Variants in LTBP2 observed in about 807,000 individuals in gnomAD.
LTBP2 encodes latent-transforming growth factor beta-binding protein 2.
In LTBP2, 103 loss-of-function variants were observed where a neutral mutation model predicts 210.6. That is an observed-to-expected ratio of 0.49 (90% CI 0.42 to 0.58). The LOEUF is 0.58. Ranked by LOEUF, LTBP2 falls within the 20% of genes least tolerant of loss-of-function variation. The probability of loss-of-function intolerance (pLI) is 0.00; values close to 1 mark genes in which losing one functional copy is unlikely to be tolerated. For synonymous variants in LTBP2, 1,007 were observed against 1,015.0 expected (o/e 0.99, Z 0.15); for missense variants, 2,313 against 2,494.5 (o/e 0.93, Z 1.55).
intron 4 of LTBP2, among the ~76,000 whole-genome samples, chr14:74,555,113 C>T (rs1159510773): frequency 6.8e-6 from 1 of 147,670 alleles, no homozygotes; most frequent in Non-Finnish European, 1.5e-5. Flanking sequence ...GAAGCAGAGG[C>T]GCAGCTGTAG....
At chr14:74,584,598 G>A (rs2088178494) in intron 3 of LTBP2, among the ~76,000 whole-genome samples, 1 of 152,116 alleles carries the variant, frequency 6.6e-6, no homozygotes, top group Non-Finnish European at 1.5e-5. Context: ...TTATCCACCT[G>A]GGACCCTTAG....
intron 2 of LTBP2, among the ~76,000 whole-genome samples, chr14:74,589,152 C>A (rs375858989): frequency 2.6e-5 from 4 of 152,210 alleles, no homozygotes; most frequent in African/African-American, 9.6e-5. Context: ...GGAGGATGTA[C>A]GTCATCTCAT....
chr14:74,592,749 T>C (rs1279105505), intron 2 of LTBP2, among the ~76,000 whole-genome samples: 1 of 152,106 alleles, frequency 6.6e-6, no homozygotes, highest in Non-Finnish European at 1.5e-5. Flanking sequence ...CTCCACTTGA[T>C]TATTGGTCCG....
Position 74,510,074 on chromosome 14 carries a change from C to T in LTBP2, c.3151+17G>A, listed in dbSNP as rs147507406. ...TGGATCGGCCTGCGGAGAAGGGGCGCTTCAGCATCTCTGTACCTTGGCAGC... is the reference window on the plus strand; with the variant it reads ...TGGATCGGCCTGCGGAGAAGGGGCGTTTCAGCATCTCTGTACCTTGGCAGC... On this transcript the variant is annotated intron_variant, in intron 20 of 35. Coordinates refer to ENST00000261978, the MANE Select transcript of LTBP2 (RefSeq NM_000428.3). 1.1e-3 allele frequency: 1,804 copies of T among 1,613,952 alleles called. 3 individuals carry two copies. Among genetic ancestry groups the T allele is most frequent in the Middle Eastern group, 1.5e-3 (9 of 6,060 alleles).
intron 4 of LTBP2, among the ~76,000 whole-genome samples, chr14:74,554,740 G>A (rs937919316): frequency 3.3e-5 from 5 of 152,166 alleles, no homozygotes; most frequent in Non-Finnish European, 7.3e-5. Context: ...TAGTGGTGAC[G>A]GTTGCACACA....
Position 74,611,781 on chromosome 14 carries a change from C to T in LTBP2, c.164G>A (p.Arg55His), listed in dbSNP as rs1313818466. 9 of 1,610,176 alleles carry T rather than the reference C, an allele frequency of 5.6e-6. No individual in the cohort carries two copies. Among genetic ancestry groups the T allele is most frequent in the East Asian group, 2.2e-5 (1 of 44,858 alleles). The change falls in exon 1 of 36, where the codon CGC becomes CAC. Residue 55 changes from arginine (R) to histidine (H), a missense_variant. Coordinates refer to ENST00000261978, the MANE Select transcript of LTBP2 (RefSeq NM_000428.3). The part of the protein sequence containing the change: ...PAGGDANRLR[R>H]PGGSYPAAAA... ...CGCTGCCGGGTAGCTGCCCCCAGGG[C>T]GCCGCAGTCGATTCGCGTCTCCACC...
rs1367435238 is a variant in LTBP2, at chr14:74,525,357, T to A, written c.2429-132A>T. On this transcript the variant is annotated intron_variant, in intron 14 of 35. Coordinates refer to ENST00000261978, the MANE Select transcript of LTBP2 (RefSeq NM_000428.3). ...GGTGGGTCACTCCCATGCCTTCCAGTCTCCTGAAAGTTGATCTGGCCCCAC... is the reference window on the plus strand; with the variant it reads ...GGTGGGTCACTCCCATGCCTTCCAGACTCCTGAAAGTTGATCTGGCCCCAC... The A allele has an allele frequency of 9.4e-6, 4 of 424,456 alleles. No individual in the cohort carries two copies. The East Asian group carries it at 1.4e-4, about 15-fold the overall frequency. The allele number at this position is 424,456 out of a possible 1,614,324, so 26.3% of individuals were successfully genotyped here.
rs188449531 is a variant in LTBP2 at position 74,565,342 on chromosome 14, T to G, written c.831-9649A>C. On this transcript the variant is annotated intron_variant, in intron 3 of 35. Coordinates refer to ENST00000261978, the MANE Select transcript of LTBP2 (RefSeq NM_000428.3). ...GGCCTAGGACATGTTGGGATGGGCA[T>G]TCTTAAATGATGATTATTGCAGTGA... Among the ~76,000 whole-genome samples the G allele has an allele frequency of 1.5e-3, 221 of 152,302 alleles. 1 individual carries two copies. The highest frequency in any genetic ancestry group is 5.1e-3 in the African/African-American group (212 of 41,554).
chr14:74,543,034 T>C (rs1273303477), intron 8 of LTBP2, among the ~76,000 whole-genome samples: 3 of 151,930 alleles, frequency 2.0e-5, no homozygotes, highest in Non-Finnish European at 4.4e-5. Flanking sequence ...CCCAAAGTGT[T>C]GGGATTACAG....
intron 30 of LTBP2, 107 bp from the exon 31 acceptor site, chr14:74,504,161 T>C: frequency 6.9e-7 from 1 of 1,440,994 alleles, no homozygotes; most frequent in South Asian, 1.2e-5. Context: ...CTCTGCCACT[T>C]ACTAGGTGGC....
intron 3 of LTBP2, among the ~76,000 whole-genome samples, chr14:74,566,028 A>G (rs2087897598): frequency 6.6e-6 from 1 of 151,818 alleles, no homozygotes; most frequent in Admixed American, 6.6e-5. Context: ...TTCATCCCAC[A>G]GTTTGCGCTT....
intron 9 of LTBP2, among the ~76,000 whole-genome samples, chr14:74,534,602 C>T (rs1455802121): frequency 1.3e-5 from 2 of 152,092 alleles, no homozygotes; most frequent in African/African-American, 2.4e-5. Context: ...AAGAATGCCC[C>T]GCTCATTAGA....
intron 8 of LTBP2, among the ~76,000 whole-genome samples, chr14:74,540,170 G>C (rs1355489130): frequency 6.6e-6 from 1 of 151,996 alleles, no homozygotes; most frequent in Non-Finnish European, 1.5e-5. Flanking sequence ...GTACAGCATT[G>C]AATCCAAAAA....
Position 74,540,829 on chromosome 14 carries a change from TA to T in LTBP2, c.1790-4830del, listed in dbSNP as rs1399597290. Among the ~76,000 whole-genome samples the T allele has an allele frequency of 4.0e-4, 4 of 10,040 alleles. No individual in the cohort carries two copies. In the Non-Finnish European group the frequency reaches 7.8e-3, roughly 20 times the overall value. 6.6% of individuals were successfully genotyped at this position (10,040 alleles called of 152,430 possible). On this transcript the variant is annotated intron_variant, in intron 8 of 35. Transcript: ENST00000261978. ...TATATAATATATATATATTTTTATA[TA>T]ATATATATTTATATATATTATATAT...
Position 74,502,937 on chromosome 14 carries a change from G to A in LTBP2, c.4889-3C>T. On this transcript the variant is annotated splice_region_variant and splice_polypyrimidine_tract_variant and intron_variant, in intron 33 of 35. Transcript: ENST00000261978. ...GTTGCACAGCTGAGCATAGACCTCT[G>A]TCAGGGAGGAGGGAGAGAAGGAGCT... is the stretch of plus-strand genomic sequence containing the variant. 1.9e-6 allele frequency: 3 copies of A among 1,611,094 alleles called. No individual in the cohort carries two copies. The highest frequency in any genetic ancestry group is 1.7e-6 in the Non-Finnish European group (2 of 1,179,922).
chr14:74,503,064 C>G, intron 33 of LTBP2, 130 bp from the exon 34 acceptor site: 1 of 1,473,552 alleles, frequency 6.8e-7, no homozygotes, highest in Non-Finnish European at 9.3e-7. Flanking sequence ...CTCTCCCCAC[C>G]TCTCCCCTGC....
Position 74,596,776 on chromosome 14 carries a change from C to T in LTBP2, c.565+6859G>A, listed in dbSNP as rs539898244. On this transcript the variant is annotated intron_variant, in intron 2 of 35. Transcript: ENST00000261978. ...CCCTGTAGCCCCTGGGTGGCTGGCT[C>T]GAGCAGTCAAGTCGATGGGGGTGCC... is the stretch of plus-strand genomic sequence containing the variant. Among the ~76,000 whole-genome samples, 12 of 152,238 alleles carry T rather than the reference C, an allele frequency of 7.9e-5. No homozygotes were observed. In the South Asian group the frequency reaches 1.9e-3, roughly 24 times the overall value.
chr14:74,545,254 C>T (rs1358313969), intron 8 of LTBP2, among the ~76,000 whole-genome samples: 3 of 152,190 alleles, frequency 2.0e-5, no homozygotes, highest in African/African-American at 7.2e-5. Context: ...ACAAGCTCCT[C>T]AGCCTTCTTG....
chr14:74,589,791 T>C (rs904636392), intron 2 of LTBP2, among the ~76,000 whole-genome samples: 1 of 152,022 alleles, frequency 6.6e-6, no homozygotes, highest in Admixed American at 6.5e-5. Flanking sequence ...TTGGGGTTTT[T>C]TTAGGGAGGG....
Sources: allele counts gnomAD v4.1 joint callset (sites outside exome capture counted in the v4.1 genomes callset), GRCh38; gene constraint gnomAD v4.1.1; transcripts MANE v1.5; gene names NCBI Gene and HGNC (gene_info 2026-07-23, HGNC 2026-07-21).